The following ATP1B3 variants were observed in gnomAD, a reference collection of about 807,000 sequenced individuals.
ATP1B3 encodes the protein ATPase Na+/K+ transporting subunit beta 3, also known as sodium/potassium-transporting ATPase subunit beta-3.
A neutral mutation model predicts 30.2 loss-of-function variants in ATP1B3; 10 were observed. The observed-to-expected ratio is 0.33, with a 90% CI of 0.20 to 0.56. The LOEUF (loss-of-function observed/expected upper bound fraction) is 0.56. ATP1B3 is among the 20% of genes least tolerant of loss of function. The pLI is 0.90. For synonymous variants in ATP1B3, 113 were observed against 117.0 expected, an observed-to-expected ratio of 0.97 and a Z score of 0.22; for missense variants, 238 against 336.7, an observed-to-expected ratio of 0.71 and a Z score of 2.29.
At chr3:141,896,193 G>A (rs1934061674) in intron 1 of ATP1B3, among the ~76,000 whole-genome samples, 1 of 151,850 alleles carries the variant, frequency 6.6e-6, no homozygotes, top group South Asian at 2.1e-4. Context: ...TCTCGGCTGG[G>A]GATGATGGTT....
intron 4 of ATP1B3, among the ~76,000 whole-genome samples, chr3:141,914,377 G>A (rs559671271): frequency 2.2e-4 from 33 of 152,288 alleles, no homozygotes; most frequent in African/African-American, 7.7e-4. Context: ...TGTATCCAAA[G>A]TAGCAGCATT....
chr3:141,885,569 C>T (rs192767593), intron 1 of ATP1B3, among the ~76,000 whole-genome samples: 12 of 152,252 alleles, frequency 7.9e-5, no homozygotes, highest in Admixed American at 5.9e-4. Flanking sequence ...CTGTCTTAGC[C>T]TCCCGAGTAG....
intron 1 of ATP1B3, among the ~76,000 whole-genome samples, chr3:141,887,950 G>A (rs147092892): frequency 0.01 from 1,598 of 152,352 alleles, 18 homozygotes; most frequent in Non-Finnish European, 0.011. Context: ...CTTTCAGGGT[G>A]ATGATAAGTG....
intron 6 of ATP1B3, 68 bp downstream of exon 6, chr3:141,922,131 A>G (rs1934574203): frequency 1.1e-6 from 1 of 951,516 alleles, no homozygotes; most frequent in South Asian, 1.5e-5. Context: ...TTGACGTACC[A>G]CTTGTCTGGG....
intron 4 of ATP1B3, 104 bp from the exon 5 acceptor site, chr3:141,915,866 G>A: frequency 2.7e-6 from 2 of 743,548 alleles, no homozygotes; most frequent in South Asian, 2.2e-5. Flanking sequence ...TACAGACTTG[G>A]TGTTAATCTC....
chr3:141,878,352 G>A (rs1203004411), intron 1 of ATP1B3, among the ~76,000 whole-genome samples: 1 of 152,118 alleles, frequency 6.6e-6, no homozygotes, highest in East Asian at 1.9e-4. Context: ...AATAAATCTT[G>A]CATCCAGACT....
intron 1 of ATP1B3, among the ~76,000 whole-genome samples, chr3:141,894,407 C>G (rs1934020183): frequency 6.6e-6 from 1 of 152,046 alleles, no homozygotes; most frequent in African/African-American, 2.4e-5. Context: ...ATCTTCCCAT[C>G]TCAGCCTCCC....
intron 1 of ATP1B3, among the ~76,000 whole-genome samples, chr3:141,892,742 T>C (rs1044501501): frequency 4.2e-5 from 6 of 143,838 alleles, no homozygotes; most frequent in Non-Finnish European, 6.1e-5. Flanking sequence ...AGTGACAAAA[T>C]CATTGGCTGC....
chr3:141,889,751 AT>A lies in ATP1B3; in HGVS notation c.109+12842del, dbSNP rs1471642523. On this transcript the variant is annotated intron_variant, in intron 1 of 6. Transcript: ENST00000286371. ...CTCAAAAAAAAAAAAAAAAAAAAAAATATATACACACACACACACACACACA... is the reference window on the plus strand; with the variant it reads ...CTCAAAAAAAAAAAAAAAAAAAAAAAATATACACACACACACACACACACA... Among the ~76,000 whole-genome samples the A allele has an allele frequency of 1.3e-3, 83 of 62,238 alleles. 1 individual carries two copies. Among genetic ancestry groups the A allele is most frequent in the Middle Eastern group, 8.3e-3 (1 of 120 alleles). The allele number at this position is 62,238 out of a possible 152,430, so 40.8% of individuals were successfully genotyped here.
chr3:141,893,642 T>C (rs899791074), intron 1 of ATP1B3, among the ~76,000 whole-genome samples: 1 of 152,176 alleles, frequency 6.6e-6, no homozygotes, highest in African/African-American at 2.4e-5. Flanking sequence ...TGAGGTATAA[T>C]TAACATACAA....
At chr3:141,907,958 C>T in intron 3 of ATP1B3, among the ~76,000 whole-genome samples, 1 of 148,612 alleles carries the variant, frequency 6.7e-6, no homozygotes, top group Non-Finnish European at 1.5e-5. Context: ...TTTTTTTTGC[C>T]ATTTTATTTT....
intron 6 of ATP1B3, 113 bp from the exon 7 acceptor site, chr3:141,925,418 C>G (rs372941734): frequency 1.8e-6 from 2 of 1,137,562 alleles, no homozygotes; most frequent in African/African-American, 3.1e-5. Flanking sequence ...CACTGCACTG[C>G]AGCCTGGGCA....
chr3:141,892,588 C>CA (rs149165963), intron 1 of ATP1B3, among the ~76,000 whole-genome samples: 3,270 of 132,652 alleles, frequency 0.025, 130 homozygotes, highest in African/African-American at 0.089. Flanking sequence ...AACTGGGAGG[C>CA]AGAGGCTGCA....
At chr3:141,885,622 A>G (rs984165893) in intron 1 of ATP1B3, among the ~76,000 whole-genome samples, 2 of 151,784 alleles carry the variant, frequency 1.3e-5, no homozygotes, top group African/African-American at 4.8e-5. Flanking sequence ...CAATTTTTGT[A>G]TTTTTAGTAG....
At chr3:141,894,876 A>C (rs1459101587) in intron 1 of ATP1B3, among the ~76,000 whole-genome samples, 1 of 152,216 alleles carries the variant, frequency 6.6e-6, no homozygotes, top group Non-Finnish European at 1.5e-5. Flanking sequence ...GTTTATTATC[A>C]TTATTAAGTA....
At chr3:141,908,241 C>T (rs9827902) in intron 3 of ATP1B3, among the ~76,000 whole-genome samples, 16,045 of 151,976 alleles carry the variant, frequency 0.11, 1,185 homozygotes, top group East Asian at 0.36. Flanking sequence ...CAGTTTGTAA[C>T]GCTCTTTGAT....
At position 141,902,084 on chromosome 3, in the gene ATP1B3, T is replaced by C. The variant is rs76553331; in HGVS notation, c.110-1536T>C. The C allele has an allele frequency of 1.2e-3, 1,443 of 1,242,506 alleles. 9 individuals carry two copies. The African/African-American group carries it at 0.02, about 17-fold the overall frequency. 77.0% of individuals were successfully genotyped at this position (1,242,506 alleles called of 1,614,324 possible). ...GCTTTCTGTGTGTTTCATTTCCCTC[T>C]ATAGCAAACTGTTTACTTCTTTGAG... On this transcript the variant is annotated intron_variant, in intron 1 of 6. Coordinates refer to ENST00000286371, the MANE Select transcript of ATP1B3 (RefSeq NM_001679.4).
chr3:141,902,435 G>A (rs998366227), intron 1 of ATP1B3, among the ~76,000 whole-genome samples: 3 of 152,244 alleles, frequency 2.0e-5, no homozygotes, highest in East Asian at 1.9e-4. Context: ...TCCCTGGGGG[G>A]AAAATATATT....
chr3:141,921,760 G>C lies in ATP1B3; in HGVS notation c.583-217G>C, dbSNP rs988476242. On this transcript the variant is annotated intron_variant, in intron 5 of 6. Transcript: ENST00000286371. ...GTATAGAGTGTATCTGGAAGTGTAA[G>C]TATCAGGATAGTTCATGTGGAAGGG... The C allele has an allele frequency of 1.1e-5, 4 of 368,398 alleles. No homozygotes were observed. The East Asian group carries it at 2.6e-4, about 24-fold the overall frequency. 22.8% of individuals were successfully genotyped at this position (368,398 alleles called of 1,614,324 possible).
Sources: gnomAD v4.1 joint callset for allele counts (sites outside exome capture counted in the v4.1 genomes callset) on GRCh38, gnomAD v4.1.1 for gene constraint, MANE v1.5 for transcripts, NCBI Gene and HGNC (gene_info 2026-07-23, HGNC 2026-07-21) for gene names.